Variants in DNAJB4 observed in about 807,000 individuals in gnomAD.
The protein encoded by DNAJB4 is dnaJ homolog subfamily B member 4.
A neutral mutation model predicts 26.6 loss-of-function variants in DNAJB4; 10 were observed. The ratio of observed to expected loss-of-function variants is 0.38; its 90% confidence interval spans 0.23 to 0.64. The LOEUF is 0.64. Among genes scored for constraint, DNAJB4 ranks in the 30% least tolerant of loss-of-function variants. DNAJB4 has a pLI of 0.58. For missense variants in DNAJB4, 328 were observed against 408.2 expected (o/e 0.80, Z 1.69); for synonymous variants, 136 against 134.8 (o/e 1.01, Z -0.06).
chr1:77,996,431 A>T (rs1224845842), intron 1 of DNAJB4, among the ~76,000 whole-genome samples: 2 of 152,304 alleles, frequency 1.3e-5, no homozygotes, highest in South Asian at 4.1e-4. Flanking sequence ...CTGGGATTAC[A>T]GGTGTAAGCT....
intron 1 of DNAJB4, among the ~76,000 whole-genome samples, chr1:77,998,754 C>G (rs930161022): frequency 6.6e-6 from 1 of 151,942 alleles, no homozygotes; most frequent in Non-Finnish European, 1.5e-5. Context: ...GGGAAAATGG[C>G]TTGAGCTCAG....
Position 78,005,285 on chromosome 1 carries a change from A to G in DNAJB4, c.175A>G (p.Lys59Glu). The G allele has an allele frequency of 1.2e-6, 2 of 1,613,938 alleles. No homozygotes were observed. The highest frequency in any genetic ancestry group is 1.7e-6 in the Non-Finnish European group (2 of 1,179,920). Residue 59 changes from lysine (K) to glutamate (E), a missense_variant, in exon 1 of 3, where the codon AAA becomes GAA. Lys to Glu is a moderately conservative substitution (Grantham distance 56, BLOSUM62 1). Transcript: ENST00000370763. ...AEAYEVLSDP[K>E]KREIYDQFGE... is the part of the protein sequence containing the mutation. ...AGCTTATGAAGTATTGAGTGATCCT[A>G]AAAAGAGAGAAATATATGATCAGTT...
At chr1:77,991,373 T>G (rs1659927969) in intron 1 of DNAJB4, among the ~76,000 whole-genome samples, 1 of 152,168 alleles carries the variant, frequency 6.6e-6, no homozygotes, top group Non-Finnish European at 1.5e-5. Flanking sequence ...CCGAAATGTA[T>G]TTGTAACCCC....
rs749225443 is a variant in DNAJB4, at chr1:78,013,325, T to C, written c.486T>C (p.His162=). 4 of 1,614,118 alleles carry C rather than the reference T, an allele frequency of 2.5e-6. No individual in the cohort carries two copies. Among genetic ancestry groups the C allele is most frequent in the Non-Finnish European group, 3.4e-6 (4 of 1,180,014 alleles). The part of the protein sequence containing the change: ...SRLKQDPPVI[H]ELRVSLEEIY... ...TCAAACAAGATCCTCCAGTTATTCA[T>C]GAACTTAGAGTATCACTTGAAGAGA... is the stretch of plus-strand genomic sequence containing the variant. Residue 162 remains histidine (H), a synonymous_variant, in exon 2 of 3, where the codon CAT becomes CAC. Coordinates refer to ENST00000370763, the MANE Select transcript of DNAJB4 (RefSeq NM_007034.5).
chr1:78,015,638 CT>C (rs1468227079), intron 2 of DNAJB4, among the ~76,000 whole-genome samples: 2 of 150,636 alleles, frequency 1.3e-5, no homozygotes, highest in Non-Finnish European at 3.0e-5. Flanking sequence ...CAACCTCCGC[CT>C]GCTGAGTTCA....
Position 78,016,065 on chromosome 1 carries a change from C to A in DNAJB4, c.832C>A (p.Pro278Thr), listed in dbSNP as rs773532030. Residue 278 changes from proline to threonine, a missense_variant, in exon 3 of 3, where the codon CCT (proline) becomes ACT (threonine). Coordinates refer to ENST00000370763, the MANE Select transcript of DNAJB4 (RefSeq NM_007034.5). ...ACCAACACTGGATGGAAGAAACATACCTATGTCAGTAAATGATATTGTGAA... is the reference window on the plus strand; with the variant it reads ...ACCAACACTGGATGGAAGAAACATAACTATGTCAGTAAATGATATTGTGAA... The part of the protein sequence containing the change: ...NVPTLDGRNI[P>T]MSVNDIVKPG... 4 of 1,613,954 alleles carry A rather than the reference C, an allele frequency of 2.5e-6. 1 individual carries two copies. The South Asian group carries it at 4.4e-5, about 18-fold the overall frequency.
At chr1:78,000,451 G>A (rs72685382), upstream of DNAJB4, among the ~76,000 whole-genome samples, 4,119 of 152,236 alleles carry the variant, frequency 0.027, 99 homozygotes, top group South Asian at 0.11. Flanking sequence ...GCTGTAAGTA[G>A]TATTACCAGG....
At chr1:77,988,036 C>T (rs941767718) in intron 1 of DNAJB4, among the ~76,000 whole-genome samples, 1 of 129,218 alleles carries the variant, frequency 7.7e-6, no homozygotes, top group African/African-American at 2.8e-5. Context: ...TGTATTTCCC[C>T]CCCCCCCCAG....
chr1:77,993,338 C>T (rs988343391), intron 1 of DNAJB4, among the ~76,000 whole-genome samples: 1 of 151,302 alleles, frequency 6.6e-6, no homozygotes, highest in East Asian at 2.0e-4. Context: ...TTTTTGAGAT[C>T]GAGTCTCGCT....
chr1:77,997,333 ATCTAT>A (rs1342808756), intron 1 of DNAJB4, among the ~76,000 whole-genome samples: 2,849 of 146,212 alleles, frequency 0.019, 81 homozygotes, highest in African/African-American at 0.071. Flanking sequence ...AAAAAAAAAA[ATCTAT>A]ATCTATATCT....
chr1:78,008,813 A>T (rs920229517), intron 1 of DNAJB4, among the ~76,000 whole-genome samples: 1 of 152,186 alleles, frequency 6.6e-6, no homozygotes, highest in African/African-American at 2.4e-5. Context: ...ACAGAAATTT[A>T]AAATTGGATT....
chr1:77,982,949 G>A (rs955965323), intron 1 of DNAJB4, among the ~76,000 whole-genome samples: 8 of 152,328 alleles, frequency 5.3e-5, no homozygotes, highest in Middle Eastern at 3.4e-3. Context: ...AAGGTGGAAC[G>A]AGAGACTTAG....
upstream of DNAJB4, among the ~76,000 whole-genome samples, chr1:78,003,404 A>G (rs1168272874): frequency 6.6e-6 from 1 of 152,178 alleles, no homozygotes; most frequent in African/African-American, 2.4e-5. Flanking sequence ...TGGTGTTGTT[A>G]AAGTAGAGAA....
chr1:77,981,929 A>G (rs1419832773), intron 1 of DNAJB4, among the ~76,000 whole-genome samples: 1 of 152,194 alleles, frequency 6.6e-6, no homozygotes, highest in Non-Finnish European at 1.5e-5. Context: ...CATAGGATAT[A>G]TAGGAAATAG....
chr1:77,997,824 G>C (rs961099024), intron 1 of DNAJB4, among the ~76,000 whole-genome samples: 1 of 151,798 alleles, frequency 6.6e-6, no homozygotes, highest in African/African-American at 2.4e-5. Flanking sequence ...GTCTCCCTCT[G>C]TCACCCAGTT....
chr1:77,983,309 C>G (rs575716600), intron 1 of DNAJB4, among the ~76,000 whole-genome samples: 3 of 152,162 alleles, frequency 2.0e-5, no homozygotes, highest in African/African-American at 7.2e-5. Flanking sequence ...GGTTTTATAC[C>G]GAGACATTCC....
At chr1:77,983,538 C>A (rs1047005365) in intron 1 of DNAJB4, among the ~76,000 whole-genome samples, 1 of 152,154 alleles carries the variant, frequency 6.6e-6, no homozygotes, top group African/African-American at 2.4e-5. Flanking sequence ...GTCCCTGCGG[C>A]CTTCCACAGT....
chr1:77,995,611 T>G (rs1660041788), intron 1 of DNAJB4, among the ~76,000 whole-genome samples: 2 of 151,808 alleles, frequency 1.3e-5, no homozygotes, highest in South Asian at 2.1e-4. Flanking sequence ...TGCCACTACA[T>G]CTGGCTAATC....
chr1:77,982,033 T>G (rs1390942964), intron 1 of DNAJB4, among the ~76,000 whole-genome samples: 1 of 152,212 alleles, frequency 6.6e-6, no homozygotes, highest in African/African-American at 2.4e-5. Context: ...TAATGTTAGA[T>G]TGAAAGTTTG....
Sources: gnomAD v4.1 joint callset for allele counts (sites outside exome capture counted in the v4.1 genomes callset) on GRCh38, gnomAD v4.1.1 for gene constraint, MANE v1.5 for transcripts, NCBI Gene and HGNC (gene_info 2026-07-23, HGNC 2026-07-21) for gene names.